AKAP9: variants seen among roughly 807,000 people sequenced by gnomAD.
AKAP9 encodes the protein A-kinase anchoring protein 9.
Under a neutral mutation model 488.5 loss-of-function variants are expected in AKAP9, and 311 were observed. That is an observed-to-expected ratio of 0.64 (90% CI 0.58 to 0.70). The LOEUF is 0.70. Ranked by LOEUF, AKAP9 falls within the 30% of genes least tolerant of loss-of-function variation. The pLI is 0.00. For synonymous variants in AKAP9, 1,462 were observed against 1,483.5 expected (o/e 0.99, Z 0.33); for missense variants, 4,215 against 4,374.5 (o/e 0.96, Z 1.03).
chr7:91,963,482 TCA>T (rs56800758), intron 1 of AKAP9, among the ~76,000 whole-genome samples: 8,338 of 139,220 alleles, frequency 0.06, 235 homozygotes, highest in Non-Finnish European at 0.071. Flanking sequence ...AACATATTTG[TCA>T]CACACACACA....
Position 92,077,817 on chromosome 7 carries a change from A to G in AKAP9, c.6887A>G (p.Gln2296Arg). The change falls in exon 30 of 50, where the codon CAA becomes CGA. Residue 2296 changes from glutamine (Q) to arginine (R), a missense_variant. This residue lies in a region of AKAP9 where 1,476 missense variants were observed against 1,477.4 expected (regional missense o/e 1.00). Transcript: ENST00000356239. ...IIQEKEVEID[Q>R]LNEQVTKLQQ... Reference sequence around the variant, plus strand: ...CAGGAAAAAGAGGTAGAAATTGACCAATTAAATGAACAAGTTACGAAACTC... The same window carrying G: ...CAGGAAAAAGAGGTAGAAATTGACCGATTAAATGAACAAGTTACGAAACTC... The G allele has an allele frequency of 6.2e-7, 1 of 1,613,844 alleles. No homozygotes were observed.
chr7:92,106,531 G>C (rs1335857974), intron 47 of AKAP9, among the ~76,000 whole-genome samples: 1 of 152,160 alleles, frequency 6.6e-6, no homozygotes, highest in Non-Finnish European at 1.5e-5. Context: ...TAGTCATATG[G>C]AAGAATTAGG....
chr7:92,082,488 A>C (rs1268792500), intron 31 of AKAP9, 34 bp from the exon 32 acceptor site: 1 of 1,607,584 alleles, frequency 6.2e-7, no homozygotes, highest in Non-Finnish European at 8.5e-7. Context: ...TTTTTTTTAA[A>C]TTATGTGTTT....
chr7:92,065,526 G>A, intron 25 of AKAP9, 63 bp downstream of exon 25: 2 of 1,174,708 alleles, frequency 1.7e-6, no homozygotes, highest in Admixed American at 4.1e-5. Context: ...AGTATACTAG[G>A]CTATGAATTT....
At chr7:92,069,986 C>T (rs752395028) in intron 26 of AKAP9, 44 bp from the exon 27 acceptor site, 1 of 1,575,608 alleles carries the variant, frequency 6.3e-7, no homozygotes, top group Non-Finnish European at 8.7e-7. Context: ...AACTAGCTTG[C>T]TGAAATTTTT....
intron 1 of AKAP9, among the ~76,000 whole-genome samples, chr7:91,948,206 T>G (rs960417240): frequency 1.3e-5 from 2 of 152,208 alleles, no homozygotes; most frequent in Admixed American, 1.3e-4. Flanking sequence ...GTTGTTTCTG[T>G]CTTTTGGCTA....
intron 21 of AKAP9, among the ~76,000 whole-genome samples, chr7:92,049,445 A>G (rs2130798463): frequency 6.6e-6 from 1 of 152,032 alleles, no homozygotes; most frequent in East Asian, 1.9e-4. Flanking sequence ...CCCCATCTCT[A>G]CTAAAAATAC....
chr7:92,006,768 G>A (rs768276), intron 8 of AKAP9, among the ~76,000 whole-genome samples: 1,599 of 152,272 alleles, frequency 0.011, 25 homozygotes, highest in African/African-American at 0.037. Context: ...TCAGTGTTGG[G>A]ATGCAAGGAA....
At chr7:91,980,495 C>CTTTTTTTTTTTTTTTGTTTTT (rs1796261460) in intron 3 of AKAP9, among the ~76,000 whole-genome samples, 162 bp downstream of exon 3, 1 of 48,754 alleles carries the variant, frequency 2.1e-5, no homozygotes, top group Non-Finnish European at 3.3e-5. Context: ...GTATTACTGA[C>CTTTTTTTTTTTTTTTGTTTTT]TTTTTTTTTT....
chr7:92,085,344 C>A (rs1814337027), intron 35 of AKAP9, 151 bp from the exon 36 acceptor site: 3 of 751,264 alleles, frequency 4.0e-6, no homozygotes, highest in Admixed American at 4.5e-5. Flanking sequence ...GGTTGGCTTA[C>A]CCCTCCACAG....
At chr7:92,014,178 C>A in intron 9 of AKAP9, 71 bp from the exon 10 acceptor site, 1 of 1,081,076 alleles carries the variant, frequency 9.3e-7, no homozygotes, top group Non-Finnish European at 1.4e-6. Flanking sequence ...CCAGTTGAAA[C>A]ATAAGTTAAA....
chr7:92,000,945 A>C lies in AKAP9; in HGVS notation c.1028A>C (p.Lys343Thr). 6.7e-7 allele frequency: 1 copy of C among 1,503,102 alleles called. No individual in the cohort carries two copies. The highest frequency in any genetic ancestry group is 1.4e-5 in the African/African-American group (1 of 70,838). 93.1% of individuals were successfully genotyped at this position (1,503,102 alleles called of 1,614,324 possible). ...ELNTKIIEEE[K>T]KTLELKDKLT... ...AACACAAAAATAATAGAAGAAGAAA[A>C]GAAAACTCTTGAGCTAAAGGATAAA... is the stretch of plus-strand genomic sequence containing the variant. The change falls in exon 8 of 50, where the codon AAG becomes ACG. Residue 343 changes from lysine to threonine, a missense_variant. Physicochemically the swap from Lys to Thr is moderately conservative, Grantham distance 78. Around this residue, in one of 5 missense-constraint regions of AKAP9, gnomAD observed 2,361 missense variants for 2,430.0 expected, o/e 0.97. Transcript: ENST00000356239.
intron 8 of AKAP9, among the ~76,000 whole-genome samples, chr7:92,009,011 G>A (rs1003173218): frequency 2.0e-5 from 3 of 150,770 alleles, no homozygotes; most frequent in Non-Finnish European, 3.0e-5. Flanking sequence ...GAAAATGATC[G>A]GGAAAAAAAG....
chr7:92,047,652 TAG>T (rs557873660), intron 21 of AKAP9, among the ~76,000 whole-genome samples: 6 of 152,178 alleles, frequency 3.9e-5, no homozygotes, highest in South Asian at 4.1e-4. Context: ...CAAAGCAAAA[TAG>T]AGTCATAATA....
At chr7:92,027,042 C>T (rs1332214940) in intron 14 of AKAP9, among the ~76,000 whole-genome samples, 10 of 141,304 alleles carry the variant, frequency 7.1e-5, no homozygotes, top group African/African-American at 1.6e-4. Flanking sequence ...ATGTGAGGAG[C>T]GTCTCTGCCC....
At chr7:91,978,059 T>C (rs1795923326) in intron 2 of AKAP9, among the ~76,000 whole-genome samples, 1 of 151,788 alleles carries the variant, frequency 6.6e-6, no homozygotes, top group South Asian at 2.1e-4. Context: ...CTGGGCAACA[T>C]GGTGAAACCT....
In AKAP9 at chr7:92,002,110, C is replaced by T. The variant is rs1799247193; in HGVS notation, c.2193C>T (p.Leu731=). Reference sequence around the variant, plus strand: ...AACTTCAAAAAGAAATTGAAATACTCAGACAAGAAGAAAAAGAAAAGGGTA... The same window carrying T: ...AACTTCAAAAAGAAATTGAAATACTTAGACAAGAAGAAAAAGAAAAGGGTA... ...INELQKEIEI[L]RQEEKEKGTL... Residue 731 remains leucine, a synonymous_variant, in exon 8 of 50, where the codon CTC becomes CTT. Coordinates refer to ENST00000356239, the MANE Select transcript of AKAP9 (RefSeq NM_005751.5). The T allele has an allele frequency of 6.3e-7, 1 of 1,593,692 alleles. No individual in the cohort carries two copies. Among genetic ancestry groups the T allele is most frequent in the South Asian group, 1.2e-5 (1 of 85,358 alleles).
In AKAP9 at chr7:92,070,839, CAAAA is replaced by C. The variant is rs1244119019; in HGVS notation, c.6508-60_6508-57del. 11 of 584,262 alleles carry C rather than the reference CAAAA, an allele frequency of 1.9e-5. No homozygotes were observed. The East Asian group carries it at 4.7e-4, about 25-fold the overall frequency. 36.2% of individuals were successfully genotyped at this position (584,262 alleles called of 1,614,324 possible). On this transcript the variant is annotated intron_variant, in intron 27 of 49. Transcript: ENST00000356239. ...AAAAAAAAAAAAGCAGACCAAAAAA[CAAAA>C]AAAAACTGGATAATCAGGATTTAAT...
At position 91,943,289 on chromosome 7, in the gene AKAP9, A is replaced by C. The variant is rs1044275843; in HGVS notation, c.48+2142A>C. ...TTTCTAAGTTATATAAATATGATGG[A>C]ATATTTTAAAGCCATTAAGATTATG... is the stretch of plus-strand genomic sequence containing the variant. On this transcript the variant is annotated intron_variant, in intron 1 of 49. Transcript: ENST00000356239. Among the ~76,000 whole-genome samples the C allele has an allele frequency of 4.6e-5, 7 of 152,336 alleles. No homozygotes were observed. The East Asian group carries it at 1.3e-3, about 29-fold the overall frequency.
Sources: gnomAD v4.1 joint callset for allele counts (sites outside exome capture counted in the v4.1 genomes callset) on GRCh38, gnomAD v4.1.1 for gene constraint, gnomAD v4.1.1 regional missense constraint, MANE v1.5 for transcripts, NCBI Gene and HGNC (gene_info 2026-07-23, HGNC 2026-07-21) for gene names.